Variants in NTRK2 observed in about 807,000 individuals in gnomAD.
NTRK2 encodes the protein neurotrophic receptor tyrosine kinase 2, also known as BDNF/NT-3 growth factors receptor.
A neutral mutation model predicts 94.5 loss-of-function variants in NTRK2; 13 were observed. That is an observed-to-expected ratio of 0.14 (90% CI 0.09 to 0.22). The LOEUF is 0.22. NTRK2 is among the 10% of genes least tolerant of loss of function. The probability of loss-of-function intolerance (pLI) is 1.00; values close to 1 mark genes in which losing one functional copy is unlikely to be tolerated. For synonymous variants in NTRK2, 372 were observed against 407.4 expected (o/e 0.91, Z 1.05); for missense variants, 639 against 1,071.2 (o/e 0.60, Z 5.63).
intron 2 of NTRK2, among the ~76,000 whole-genome samples, chr9:84,691,897 C>A (rs2060072519): frequency 1.3e-5 from 2 of 152,106 alleles, no homozygotes; most frequent in Non-Finnish European, 2.9e-5. Flanking sequence ...TGTGAGCCTG[C>A]CAGGATGAAT....
At chr9:84,714,434 T>C (rs1214174047) in intron 6 of NTRK2, among the ~76,000 whole-genome samples, 1 of 152,242 alleles carries the variant, frequency 6.6e-6, no homozygotes, top group Non-Finnish European at 1.5e-5. Context: ...CCATCAGCGA[T>C]GTGCCTTCTC....
intron 15 of NTRK2, among the ~76,000 whole-genome samples, chr9:84,941,473 T>A (rs1043392868): frequency 3.3e-5 from 5 of 152,238 alleles, no homozygotes; most frequent in African/African-American, 1.2e-4. Flanking sequence ...ACAGTGCATT[T>A]CACTCTAATG....
intron 17 of NTRK2, among the ~76,000 whole-genome samples, chr9:85,003,020 C>G (rs868131359): frequency 6.6e-6 from 1 of 152,074 alleles, no homozygotes; most frequent in Non-Finnish European, 1.5e-5. Flanking sequence ...GAATCAGCCC[C>G]GAGAGAGCCT....
chr9:84,789,504 G>C (rs748953971), intron 12 of NTRK2, among the ~76,000 whole-genome samples: 2 of 152,184 alleles, frequency 1.3e-5, no homozygotes, highest in Non-Finnish European at 2.9e-5. Flanking sequence ...GGTTAGCAAA[G>C]AAAGACAAGT....
chr9:84,782,003 A>G (rs191411647), intron 12 of NTRK2, among the ~76,000 whole-genome samples: 1 of 151,814 alleles, frequency 6.6e-6, no homozygotes, highest in African/African-American at 2.4e-5. Flanking sequence ...ATAAGAGAGA[A>G]TTGCTTAAAG....
chr9:84,875,751 C>A (rs2076039199), intron 14 of NTRK2: 3 of 1,052,356 alleles, frequency 2.9e-6, no homozygotes, highest in Non-Finnish European at 3.4e-6. Context: ...ATCCCCGGAT[C>A]TTTCATCATG....
At chr9:84,773,920 G>A (rs535519811) in intron 12 of NTRK2, among the ~76,000 whole-genome samples, 3 of 152,102 alleles carry the variant, frequency 2.0e-5, no homozygotes, top group East Asian at 1.9e-4. Context: ...CATCATCTTC[G>A]TTTTGTAACT....
At chr9:84,671,621 A>T (rs1162687219) in intron 2 of NTRK2, among the ~76,000 whole-genome samples, 1 of 152,192 alleles carries the variant, frequency 6.6e-6, no homozygotes, top group Non-Finnish European at 1.5e-5. Context: ...TTTGGACTTG[A>T]CTTCCCAGAG....
intron 14 of NTRK2, among the ~76,000 whole-genome samples, chr9:84,926,244 CT>C (rs1180720553): frequency 2.2e-5 from 3 of 137,884 alleles, no homozygotes; most frequent in East Asian, 2.2e-4. Context: ...TTCTTTCCTT[CT>C]TTTTGAGATG....
intron 12 of NTRK2, among the ~76,000 whole-genome samples, chr9:84,842,967 G>T (rs2074266711): frequency 6.6e-6 from 1 of 152,096 alleles, no homozygotes; most frequent in South Asian, 2.1e-4. Flanking sequence ...CAGTCTTTTT[G>T]AATAATTCTT....
chr9:84,983,775 C>T (rs369896162), intron 17 of NTRK2, among the ~76,000 whole-genome samples: 27 of 152,210 alleles, frequency 1.8e-4, no homozygotes, highest in African/African-American at 5.3e-4. Context: ...AATGGAGGGA[C>T]GCGATAGCTT....
intron 17 of NTRK2, among the ~76,000 whole-genome samples, chr9:84,994,469 T>C (rs4419891): frequency 0.68 from 102,875 of 152,096 alleles, 35,336 homozygotes; most frequent in Middle Eastern, 0.79. Flanking sequence ...TAGTGGCTGA[T>C]CCCAGAGGAT....
intron 9 of NTRK2, among the ~76,000 whole-genome samples, chr9:84,728,273 A>T (rs1425851113): frequency 3.3e-5 from 5 of 152,162 alleles, no homozygotes; most frequent in African/African-American, 1.2e-4. Context: ...CTGTCTCTTC[A>T]GCTTATCTGC....
rs138558531 is a variant in NTRK2, at chr9:84,939,051, CA to C, written c.1764+4779del. Among the ~76,000 whole-genome samples the C allele has an allele frequency of 5.1e-3, 347 of 68,428 alleles. 2 individuals are homozygous for C. The highest frequency in any genetic ancestry group is 0.043 in the East Asian group (92 of 2,150). The allele number at this position is 68,428 out of a possible 152,430, so 44.9% of individuals were successfully genotyped here. On this transcript the variant is annotated intron_variant, in intron 15 of 18. Transcript: ENST00000277120. ...TGGGTGACAGAGTGAGACCCCAACTCAAAAAAAAAAAAAAAAAAAAGAAAAG... is the reference window on the plus strand; with the variant it reads ...TGGGTGACAGAGTGAGACCCCAACTCAAAAAAAAAAAAAAAAAAAGAAAAG...
chr9:84,923,501 A>G (rs986684560), intron 14 of NTRK2, among the ~76,000 whole-genome samples: 2 of 152,232 alleles, frequency 1.3e-5, no homozygotes, highest in Admixed American at 1.3e-4. Context: ...AAGCCCCTGA[A>G]TAACCACTGG....
chr9:84,955,177 G>C, intron 16 of NTRK2, 106 bp from the exon 17 acceptor site: 2 of 876,352 alleles, frequency 2.3e-6, no homozygotes, highest in Non-Finnish European at 3.7e-6. Flanking sequence ...CAGCTACAGG[G>C]TGGGGGTGAG....
chr9:84,689,906 A>C (rs1342979856), intron 2 of NTRK2, among the ~76,000 whole-genome samples: 1 of 152,198 alleles, frequency 6.6e-6, no homozygotes. Context: ...CCTTGAATTA[A>C]AAGCTTTTTT....
At chr9:84,846,149 G>T (rs990100728) in intron 12 of NTRK2, among the ~76,000 whole-genome samples, 7 of 152,322 alleles carry the variant, frequency 4.6e-5, no homozygotes, top group African/African-American at 1.7e-4. Context: ...ATGCTTAGTT[G>T]TGTGGATTCA....
At chr9:85,004,047 G>GAAAGAAAAGAAAGAAAGAAAGAA (rs1564542231) in intron 17 of NTRK2, among the ~76,000 whole-genome samples, 19 of 39,756 alleles carry the variant, frequency 4.8e-4, no homozygotes, top group Admixed American at 1.1e-3. Flanking sequence ...GAAAGAAAGG[G>GAAAGAAAAGAAAGAAAGAAAGAA]AGAAAGAGAA....
Sources: allele counts gnomAD v4.1 joint callset (sites outside exome capture counted in the v4.1 genomes callset), GRCh38; gene constraint gnomAD v4.1.1; transcripts MANE v1.5; gene names NCBI Gene and HGNC (gene_info 2026-07-23, HGNC 2026-07-21).